Variants in SFR1 observed in about 807,000 individuals in gnomAD.
The protein encoded by SFR1 is swi5-dependent recombination DNA repair protein 1 homolog.
SFR1 carries 24 observed loss-of-function variants against 26.2 expected under a neutral mutation model. The observed-to-expected ratio is 0.92, with a 90% CI of 0.66 to 1.29. The LOEUF (loss-of-function observed/expected upper bound fraction) is 1.29, where lower values mean the gene tolerates loss of function less well. Ranked by LOEUF, SFR1 falls within the 50% of genes most tolerant of loss-of-function variation. The probability of loss-of-function intolerance (pLI) is 0.00; values close to 1 mark genes in which losing one functional copy is unlikely to be tolerated. For synonymous variants in SFR1, 77 were observed against 96.6 expected (o/e 0.80, Z 1.19); for missense variants, 276 against 270.2 (o/e 1.02, Z -0.15).
chr10:104,122,062 G>C (rs2086967989), upstream of SFR1: 2 of 1,210,230 alleles, frequency 1.7e-6, no homozygotes. Context: ...GAGTGAAGCG[G>C]CGCCTCGCGC....
At chr10:104,121,109 G>T (rs1008700559), upstream of SFR1, among the ~76,000 whole-genome samples, 2 of 146,532 alleles carry the variant, frequency 1.4e-5, no homozygotes, top group African/African-American at 2.6e-5. Flanking sequence ...AGCGGGGCGC[G>T]GGGGGGGGAT....
At position 104,123,097 on chromosome 10, in the gene SFR1, C is replaced by G. The variant is rs1183854404; in HGVS notation, c.135+11C>G. The stretch of plus-strand genomic sequence containing the variant: ...AGTTCCCGAAAACAAGTATGAAAAT[C>G]TTTGTTCTTCCAGTGGATCCATTAT... On this transcript the variant is annotated intron_variant, in intron 2 of 3. Coordinates refer to ENST00000369727, the MANE Select transcript of SFR1 (RefSeq NM_001002759.2). 6.5e-7 allele frequency: 1 copy of G among 1,547,984 alleles called. No individual in the cohort carries two copies. Among genetic ancestry groups the G allele is most frequent in the Non-Finnish European group, 8.7e-7 (1 of 1,149,372 alleles).
chr10:104,122,476 C>T (rs762982610), intron 1 of SFR1: 3 of 985,430 alleles, frequency 3.0e-6, no homozygotes, highest in Non-Finnish European at 3.6e-6. Context: ...AGGCTACAGA[C>T]GGGCTTAAAT....
upstream of SFR1, among the ~76,000 whole-genome samples, chr10:104,120,731 C>T (rs2086952588): frequency 6.6e-6 from 1 of 152,156 alleles, no homozygotes; most frequent in Non-Finnish European, 1.5e-5. Context: ...CACAGAATCA[C>T]CTCATTAAGA....
rs1322182606 is a variant in SFR1 at position 104,125,952 on chromosome 10, G to T, written c.*248G>T. 1 of 280,504 alleles carries T rather than the reference G, an allele frequency of 3.6e-6. No homozygotes were observed. Among genetic ancestry groups the T allele is most frequent in the East Asian group, 8.8e-5 (1 of 11,338 alleles). 17.4% of individuals were successfully genotyped at this position (280,504 alleles called of 1,614,324 possible). On this transcript the variant is annotated 3_prime_UTR_variant, in exon 4 of 4. Transcript: ENST00000369727. The stretch of plus-strand genomic sequence containing the variant: ...GGCTAATTTTTGCATTTTTAGTAGA[G>T]ACTGGGTTTCACCACGTTGGCCAGG...
chr10:104,122,741 T>G, intron 1 of SFR1: 2 of 1,448,202 alleles, frequency 1.4e-6, no homozygotes, highest in East Asian at 2.6e-5. Context: ...CTTGTGACTA[T>G]GAGATACTAG....
At position 104,126,257 on chromosome 10, in the gene SFR1, G is replaced by C. The variant is rs1276335604; in HGVS notation, c.*553G>C. ...TTAAATGTTAAAAATTGTCCAATCT[G>C]GTGAATGTCTAACCCTAAAGTTTAA... On this transcript the variant is annotated 3_prime_UTR_variant, in exon 4 of 4. Coordinates refer to ENST00000369727, the MANE Select transcript of SFR1 (RefSeq NM_001002759.2). 1.3e-5 allele frequency: 2 copies of C among 152,606 alleles called. No homozygotes were observed. Among genetic ancestry groups the C allele is most frequent in the African/African-American group, 4.8e-5 (2 of 41,424 alleles). 9.5% of individuals were successfully genotyped at this position (152,606 alleles called of 1,614,324 possible).
Position 104,125,569 on chromosome 10 carries a change from C to G in SFR1, c.603C>G (p.Leu201=), listed in dbSNP as rs77530916. The stretch of plus-strand genomic sequence containing the variant: ...AGAAGTGGAGAAGCTGTAGCCAGCT[C>G]TTGCTTTATGAGTTGCAGTCAGCTG... ...LIKKWRSCSQ[L]LLYELQSAVS... is the part of the protein sequence containing the mutation. The change falls in exon 4 of 4, where the codon CTC becomes CTG. Residue 201 remains leucine (L), a synonymous_variant. Coordinates refer to ENST00000369727, the MANE Select transcript of SFR1 (RefSeq NM_001002759.2). The G allele has an allele frequency of 3.1e-5, 50 of 1,613,682 alleles. No homozygotes were observed. The African/African-American group carries it at 6.3e-4, about 20-fold the overall frequency.
chr10:104,123,249 T>A, intron 2 of SFR1, 163 bp downstream of exon 2: 1 of 568,340 alleles, frequency 1.8e-6, no homozygotes, highest in South Asian at 2.9e-5. Flanking sequence ...GTGACATATA[T>A]GACACCCACC....
intron 3 of SFR1, among the ~76,000 whole-genome samples, chr10:104,124,717 T>C (rs2087007045): frequency 6.6e-6 from 1 of 152,050 alleles, no homozygotes; most frequent in Non-Finnish European, 1.5e-5. Flanking sequence ...GGATAGTGTA[T>C]CTCATTTGTT....
chr10:104,122,698 T>C (rs978502712), intron 1 of SFR1: 25 of 1,376,776 alleles, frequency 1.8e-5, no homozygotes, highest in Non-Finnish European at 2.1e-5. Flanking sequence ...AATTTGAATA[T>C]ATTTTGGTGG....
At chr10:104,122,351 G>C (rs1313248003) in intron 1 of SFR1, 155 bp downstream of exon 1, 1 of 985,224 alleles carries the variant, frequency 1.0e-6, no homozygotes, top group African/African-American at 1.7e-5. Context: ...TGCAACGGGG[G>C]GAAGGAGGGG....
chr10:104,121,903 A>T (rs530272765), upstream of SFR1, among the ~76,000 whole-genome samples: 57 of 150,984 alleles, frequency 3.8e-4, no homozygotes, highest in Non-Finnish European at 1.3e-4. Context: ...GCGCGCACTC[A>T]CGCTGCTCTC....
Position 104,125,921 on chromosome 10 carries a change from A to G in SFR1, c.*217A>G, listed in dbSNP as rs1442462934. 6 of 331,682 alleles carry G rather than the reference A, an allele frequency of 1.8e-5. No homozygotes were observed. The Admixed American group carries it at 2.7e-4, about 15-fold the overall frequency. 20.5% of individuals were successfully genotyped at this position (331,682 alleles called of 1,614,324 possible). A position where few individuals can be genotyped will look rare whatever the true frequency, so the allele number is the denominator to read the frequency against. On this transcript the variant is annotated 3_prime_UTR_variant, in exon 4 of 4. Transcript: ENST00000369727. The stretch of plus-strand genomic sequence containing the variant: ...GCTGAGATTACAGGCGCCCGCCACC[A>G]TGCCCGGCTAATTTTTGCATTTTTA...
chr10:104,122,277 T>A, intron 1 of SFR1, 81 bp downstream of exon 1: 1 of 1,459,820 alleles, frequency 6.9e-7, no homozygotes. Context: ...TGAGCTCCCT[T>A]TCCGGGTCTG....
chr10:104,125,351 A>T (rs2087013522), intron 3 of SFR1, among the ~76,000 whole-genome samples, 162 bp from the exon 4 acceptor site: 1 of 152,230 alleles, frequency 6.6e-6, no homozygotes, highest in South Asian at 2.1e-4. Context: ...GTGACATTGT[A>T]ACCATTCTAC....
At chr10:104,122,807 A>G (rs2086979958) in intron 1 of SFR1, 158 bp from the exon 2 acceptor site, 2 of 1,527,280 alleles carry the variant, frequency 1.3e-6, no homozygotes, top group African/African-American at 1.4e-5. Context: ...GTAAATGGAA[A>G]ACTGCAAAAA....
chr10:104,122,164 CT>C (rs1554853546), upstream of SFR1: 1 of 1,548,696 alleles, frequency 6.5e-7, no homozygotes, highest in East Asian at 2.5e-5. Flanking sequence ...GGTGCGCGCG[CT>C]TTTTTGCTCT....
chr10:104,120,803 C>G (rs1424806235), upstream of SFR1, among the ~76,000 whole-genome samples: 1 of 152,166 alleles, frequency 6.6e-6, no homozygotes, highest in African/African-American at 2.4e-5. Context: ...GTGTACGCCC[C>G]TAATCATTCC....
Sources: gnomAD v4.1 joint callset for allele counts (sites outside exome capture counted in the v4.1 genomes callset) on GRCh38, gnomAD v4.1.1 for gene constraint, MANE v1.5 for transcripts, NCBI Gene and HGNC (gene_info 2026-07-23, HGNC 2026-07-21) for gene names.